Variants in BDP1 observed in about 807,000 individuals in gnomAD.
BDP1 encodes transcription factor TFIIIB component B'' homolog.
BDP1 carries 169 observed loss-of-function variants against 266.6 expected under a neutral mutation model. The observed-to-expected ratio is 0.63, with a 90% CI of 0.56 to 0.72. BDP1 has a LOEUF of 0.72. BDP1 is among the 30% of genes least tolerant of loss of function. The pLI is 0.00. For synonymous variants in BDP1, 1,090 were observed against 1,022.4 expected, an observed-to-expected ratio of 1.07 and a Z score of -1.26; for missense variants, 3,015 against 3,053.8, an observed-to-expected ratio of 0.99 and a Z score of 0.30.
At chr5:71,481,951 C>T (rs2150392615) in intron 7 of BDP1, among the ~76,000 whole-genome samples, 1 of 152,232 alleles carries the variant, frequency 6.6e-6, no homozygotes, top group East Asian at 1.9e-4. Context: ...AAAGGCTACT[C>T]TAGGGTATCG....
chr5:71,564,771 C>T lies in BDP1; in HGVS notation c.7761C>T (p.Pro2587=), dbSNP rs1396080234. The change falls in exon 39 of 39, where the codon CCC becomes CCT. Residue 2587 remains proline, a synonymous_variant. Coordinates refer to ENST00000358731, the MANE Select transcript of BDP1 (RefSeq NM_018429.3). ...CTTTTTAGGTTTCTTGTGATCAGCCCTTACTGAAAGAAGGATATAAAAGTG... is the reference window on the plus strand; with the variant it reads ...CTTTTTAGGTTTCTTGTGATCAGCCTTTACTGAAAGAAGGATATAAAAGTG... The part of the protein sequence containing the change: ...SSATQVSCDQ[P]LLKEGYKSAQ... 1 of 1,606,780 alleles carries T rather than the reference C, an allele frequency of 6.2e-7. No homozygotes were observed. Among genetic ancestry groups the T allele is most frequent in the Non-Finnish European group, 8.5e-7 (1 of 1,178,480 alleles).
intron 13 of BDP1, among the ~76,000 whole-genome samples, chr5:71,499,917 G>A (rs1278920104): frequency 1.3e-5 from 2 of 151,980 alleles, no homozygotes; most frequent in African/African-American, 4.8e-5. Flanking sequence ...TGTGATTCTT[G>A]TTATGCATTG....
At chr5:71,474,078 C>A (rs1247819264) in intron 7 of BDP1, among the ~76,000 whole-genome samples, 1 of 151,414 alleles carries the variant, frequency 6.6e-6, no homozygotes, top group Non-Finnish European at 1.5e-5. Context: ...CTCCCGGGTT[C>A]ATGCCATTCT....
At chr5:71,500,205 T>C (rs1162781140) in intron 13 of BDP1, among the ~76,000 whole-genome samples, 5 of 152,092 alleles carry the variant, frequency 3.3e-5, no homozygotes, top group Admixed American at 3.3e-4. Context: ...ATCTTATGTT[T>C]ATTGAATTGT....
chr5:71,522,268 A>G lies in BDP1; in HGVS notation c.4992-21A>G, dbSNP rs1265780676. The G allele has an allele frequency of 2.5e-6, 4 of 1,588,978 alleles. 1 individual carries two copies. Among genetic ancestry groups the G allele is most frequent in the South Asian group, 2.3e-5 (2 of 87,480 alleles). ...GAAATTCTGATTTTTGTTCTTCAAC[A>G]TGATTCATACTTCATTCTAGACATG... On this transcript the variant is annotated intron_variant, in intron 22 of 38. Coordinates refer to ENST00000358731, the MANE Select transcript of BDP1 (RefSeq NM_018429.3).
chr5:71,489,522 C>G lies in BDP1; in HGVS notation c.1332C>G (p.Thr444=). ...AGACAGTTGAAGAAGAGTCTCTGAC[C>G]TTATCAAGGGAGGATGCAGAGCAGG... The part of the protein sequence containing the change: ...DAQTVEEESL[T]LSREDAEQVA... The change falls in exon 10 of 39, where the codon ACC becomes ACG. Residue 444 remains threonine, a synonymous_variant. Coordinates refer to ENST00000358731, the MANE Select transcript of BDP1 (RefSeq NM_018429.3). The G allele has an allele frequency of 6.2e-7, 1 of 1,614,026 alleles. No individual in the cohort carries two copies. The highest frequency in any genetic ancestry group is 1.1e-5 in the South Asian group (1 of 91,080).
chr5:71,481,015 AT>A (rs1316056639), intron 7 of BDP1, among the ~76,000 whole-genome samples: 1 of 152,136 alleles, frequency 6.6e-6, no homozygotes, highest in Non-Finnish European at 1.5e-5. Context: ...TCTACTAAAA[AT>A]GTGAAAAATT....
intron 34 of BDP1, among the ~76,000 whole-genome samples, chr5:71,551,599 T>C (rs1199876973): frequency 1.3e-5 from 2 of 152,256 alleles, no homozygotes; most frequent in East Asian, 3.9e-4. Flanking sequence ...CACGTCATCA[T>C]GGCCCATTCT....
In BDP1 at chr5:71,523,932, T is replaced by TA. The variant is rs766674279; in HGVS notation, c.5388-6dup. The TA allele has an allele frequency of 1.1e-5, 18 of 1,599,170 alleles. No individual in the cohort carries two copies. The Admixed American group carries it at 3.0e-4, about 26-fold the overall frequency. On this transcript the variant is annotated splice_polypyrimidine_tract_variant and splice_region_variant and intron_variant, in intron 24 of 38. Transcript: ENST00000358731. The stretch of plus-strand genomic sequence containing the variant: ...TGACCTTATTGTTGTTTTGATTAAA[T>TA]ATCTAGCTGTCCACAACCGTTAAAC...
chr5:71,552,709 A>C (rs1412852136), intron 34 of BDP1, among the ~76,000 whole-genome samples: 1 of 152,266 alleles, frequency 6.6e-6, no homozygotes, highest in South Asian at 2.1e-4. Context: ...AATCGCAGGC[A>C]CTCGGCAGGC....
downstream of BDP1, among the ~76,000 whole-genome samples, chr5:71,569,191 ATTG>A (rs948429713): frequency 2.6e-5 from 4 of 152,350 alleles, no homozygotes; most frequent in Middle Eastern, 3.4e-3. Context: ...GGTATCCCTT[ATTG>A]TTAAATCAGT....
At chr5:71,569,708 G>C (rs189552202), downstream of BDP1, among the ~76,000 whole-genome samples, 20 of 152,256 alleles carry the variant, frequency 1.3e-4, no homozygotes, top group East Asian at 3.5e-3. Flanking sequence ...TTGTGCCACT[G>C]TACTCCAGCG....
At chr5:71,570,772 A>G (rs469548), downstream of BDP1, among the ~76,000 whole-genome samples, 61,382 of 152,040 alleles carry the variant, frequency 0.4, 12,926 homozygotes, top group South Asian at 0.48. Flanking sequence ...GCAAAGGACA[A>G]CCATCATAGT....
chr5:71,477,422 T>TA (rs1762659003), intron 7 of BDP1, among the ~76,000 whole-genome samples: 1 of 152,190 alleles, frequency 6.6e-6, no homozygotes. Context: ...GTGCTGGCGT[T>TA]ACAGGCATGA....
intron 26 of BDP1, among the ~76,000 whole-genome samples, chr5:71,533,733 G>A: frequency 6.6e-6 from 1 of 151,916 alleles, no homozygotes; most frequent in African/African-American, 2.4e-5. Context: ...CAAAGTGTTG[G>A]GATTACAGGC....
Position 71,512,381 on chromosome 5 carries a change from G to T in BDP1, c.4200G>T (p.Gly1400=), listed in dbSNP as rs1046216068. ...THESDKTEVQ[G]IQSPDVPEQF... ...AATCTGATAAAACAGAAGTCCAGGG[G>T]ATTCAATCTCCAGATGTTCCAGAGC... The change falls in exon 18 of 39, where the codon GGG becomes GGT. Residue 1400 remains glycine (G), a synonymous_variant. Transcript: ENST00000358731. 7.6e-6 allele frequency: 12 copies of T among 1,589,346 alleles called. No individual in the cohort carries two copies. The highest frequency in any genetic ancestry group is 3.5e-5 in the South Asian group (3 of 85,686).
chr5:71,458,762 A>G lies in BDP1; in HGVS notation c.396A>G (p.Ser132=). The G allele has an allele frequency of 1.2e-6, 2 of 1,614,172 alleles. No homozygotes were observed. Among genetic ancestry groups the G allele is most frequent in the Non-Finnish European group, 1.7e-6 (2 of 1,180,010 alleles). The change falls in exon 2 of 39, where the codon TCA becomes TCG. Residue 132 remains serine (S), a synonymous_variant. Transcript: ENST00000358731. The stretch of plus-strand genomic sequence containing the variant: ...AGGCTCCACAGCCAACTGCCACTTC[A>G]ACAAAAGAGAAACAGCCATGCTCAG... ...NQEAPQPTAT[S]TKEKQPCSDR... is the part of the protein sequence containing the mutation.
intron 25 of BDP1, among the ~76,000 whole-genome samples, chr5:71,530,761 G>A (rs1324374289): frequency 6.6e-6 from 1 of 152,180 alleles, no homozygotes; most frequent in Non-Finnish European, 1.5e-5. Context: ...GGAAACAGAT[G>A]TGGTACATAC....
Position 71,516,217 on chromosome 5 carries a change from G to C in BDP1, c.4806G>C (p.Lys1602Asn). The C allele has an allele frequency of 6.2e-7, 1 of 1,613,422 alleles. No homozygotes were observed. The highest frequency in any genetic ancestry group is 8.5e-7 in the Non-Finnish European group (1 of 1,179,626). Residue 1602 changes from lysine to asparagine, a missense_variant, in exon 21 of 39, where the codon AAG becomes AAC. Lys to Asn is a moderately conservative substitution (Grantham distance 94). Around this residue, in one of 3 missense-constraint regions of BDP1, gnomAD observed 2,383 missense variants for 2,404.9 expected, o/e 0.99. Coordinates refer to ENST00000358731, the MANE Select transcript of BDP1 (RefSeq NM_018429.3). ...VDKGEAKGII[K>N]EGRTILPKDE... ...AAGGTGAAGCCAAAGGCATAATTAA[G>C]GAAGGAAGAACGATATTACCAAAAG... is the stretch of plus-strand genomic sequence containing the variant.
Sources: allele counts gnomAD v4.1 joint callset (sites outside exome capture counted in the v4.1 genomes callset), GRCh38; gene constraint gnomAD v4.1.1; regional missense constraint gnomAD v4.1.1; transcripts MANE v1.5; gene names NCBI Gene and HGNC (gene_info 2026-07-23, HGNC 2026-07-21).